Variants in ZC3H12C observed in about 807,000 individuals in gnomAD.
ZC3H12C encodes the protein probable ribonuclease ZC3H12C.
In ZC3H12C, 20 loss-of-function variants were observed where a neutral mutation model predicts 76.3. That is an observed-to-expected ratio of 0.26 (90% CI 0.18 to 0.38). ZC3H12C has a LOEUF of 0.38. Ranked by LOEUF, ZC3H12C falls within the 10% of genes least tolerant of loss-of-function variation. ZC3H12C has a pLI of 1.00. For synonymous variants in ZC3H12C, 352 were observed against 399.6 expected, an observed-to-expected ratio of 0.88 and a Z score of 1.42; for missense variants, 874 against 1,086.5, an observed-to-expected ratio of 0.80 and a Z score of 2.75.
At chr11:110,115,104 T>G (rs184758267) in intron 1 of ZC3H12C, among the ~76,000 whole-genome samples, 1 of 152,066 alleles carries the variant, frequency 6.6e-6, no homozygotes, top group Non-Finnish European at 1.5e-5. Context: ...TCTTTATTTT[T>G]ATGTATTTAT....
In ZC3H12C at chr11:110,171,067, T is replaced by A. The variant is rs1164519310; in HGVS notation, c.*5330T>A. Reference sequence around the variant, plus strand: ...GTAATGTTTCACTTCTTGAACCATGTACCAAATTTGCCAATTTTCTGTCCA... The same window carrying A: ...GTAATGTTTCACTTCTTGAACCATGAACCAAATTTGCCAATTTTCTGTCCA... On this transcript the variant is annotated 3_prime_UTR_variant, in exon 6 of 6. Coordinates refer to ENST00000278590, the MANE Select transcript of ZC3H12C (RefSeq NM_033390.2). 1 of 152,268 alleles carries A rather than the reference T, an allele frequency of 6.6e-6. No individual in the cohort carries two copies. The highest frequency in any genetic ancestry group is 6.5e-5 in the Admixed American group (1 of 15,290). The allele number at this position is 152,268 out of a possible 1,614,324, so 9.4% of individuals were successfully genotyped here.
At chr11:110,105,106 G>A (rs1013598014) in intron 1 of ZC3H12C, among the ~76,000 whole-genome samples, 16 of 151,978 alleles carry the variant, frequency 1.1e-4, no homozygotes, top group African/African-American at 3.1e-4. Context: ...TCCTTATTCC[G>A]TGATTTAATC....
chr11:110,126,569 G>T (rs1861752520), intron 1 of ZC3H12C, among the ~76,000 whole-genome samples: 1 of 152,032 alleles, frequency 6.6e-6, no homozygotes, highest in Admixed American at 6.6e-5. Context: ...AATGGCTATG[G>T]AGGTAACTAT....
chr11:110,118,826 G>A (rs1380652738), intron 1 of ZC3H12C, among the ~76,000 whole-genome samples: 1 of 151,808 alleles, frequency 6.6e-6, no homozygotes, highest in Non-Finnish European at 1.5e-5. Flanking sequence ...TAAAATAAAC[G>A]TTTAAGAAAT....
chr11:110,165,327 A>G lies in ZC3H12C; in HGVS notation c.2242A>G (p.Ile748Val). Reference sequence around the variant, plus strand: ...AGGGAGGTCCTTGGTGGCCACGAGAATAGACAGCATCTCTGACTCTCGACT... The same window carrying G: ...AGGGAGGTCCTTGGTGGCCACGAGAGTAGACAGCATCTCTGACTCTCGACT... ...HLGRSLVATRIDSISDSRLYD... is the reference protein window; with the variant it reads ...HLGRSLVATRVDSISDSRLYD... The change falls in exon 6 of 6, where the codon ATA becomes GTA. Residue 748 changes from isoleucine to valine, a missense_variant. Ile to Val is a conservative substitution (Grantham distance 29, BLOSUM62 3). Transcript: ENST00000278590. 5 of 1,614,012 alleles carry G rather than the reference A, an allele frequency of 3.1e-6. No individual in the cohort carries two copies. The highest frequency in any genetic ancestry group is 4.2e-6 in the Non-Finnish European group (5 of 1,179,886).
At chr11:110,134,668 GA>G (rs1225729152) in intron 1 of ZC3H12C, among the ~76,000 whole-genome samples, 2 of 152,140 alleles carry the variant, frequency 1.3e-5, no homozygotes, top group Admixed American at 1.3e-4. Context: ...TAATGAAGCA[GA>G]TGTATACAGA....
chr11:110,105,643 CT>C (rs1390721102), intron 1 of ZC3H12C, among the ~76,000 whole-genome samples: 3 of 151,964 alleles, frequency 2.0e-5, no homozygotes, highest in South Asian at 2.1e-4. Flanking sequence ...ATTTATAATT[CT>C]TTTTTTCATC....
At chr11:110,120,426 C>T (rs1163739426) in intron 1 of ZC3H12C, among the ~76,000 whole-genome samples, 3 of 152,106 alleles carry the variant, frequency 2.0e-5, no homozygotes, top group Non-Finnish European at 4.4e-5. Flanking sequence ...ATTTTGGCTA[C>T]GCTCAGGGCC....
intron 1 of ZC3H12C, chr11:110,124,072 C>T (rs1319667278): frequency 6.6e-6 from 1 of 152,182 alleles, no homozygotes; most frequent in East Asian, 1.9e-4. Context: ...TCAAAGTGAT[C>T]CTCAAGTGGG....
rs1862681971 is a variant in ZC3H12C, at chr11:110,171,624, T to C, written c.*5887T>C. ...AAAAATTTTTAATTCGTTTTTCTTA[T>C]GCTGGTTTGTTTTTCTTTAATGAAG... is the stretch of plus-strand genomic sequence containing the variant. On this transcript the variant is annotated 3_prime_UTR_variant, in exon 6 of 6. Coordinates refer to ENST00000278590, the MANE Select transcript of ZC3H12C (RefSeq NM_033390.2). 2 of 152,194 alleles carry C rather than the reference T, an allele frequency of 1.3e-5. No homozygotes were observed. The highest frequency in any genetic ancestry group is 1.5e-5 in the Non-Finnish European group (1 of 68,022). The allele number at this position is 152,194 out of a possible 1,614,324, so 9.4% of individuals were successfully genotyped here. A position where few individuals can be genotyped will look rare whatever the true frequency, so the allele number is the denominator to read the frequency against.
chr11:110,121,842 C>T (rs562964171), intron 1 of ZC3H12C, among the ~76,000 whole-genome samples: 4 of 152,208 alleles, frequency 2.6e-5, no homozygotes, highest in African/African-American at 9.6e-5. Flanking sequence ...GTTTGCAGCT[C>T]GTTTTGGATT....
At chr11:110,120,430 C>T (rs1861632445) in intron 1 of ZC3H12C, among the ~76,000 whole-genome samples, 1 of 152,032 alleles carries the variant, frequency 6.6e-6, no homozygotes, top group Non-Finnish European at 1.5e-5. Context: ...TGGCTACGCT[C>T]AGGGCCATTT....
intron 3 of ZC3H12C, among the ~76,000 whole-genome samples, chr11:110,158,748 G>C (rs2134196720): frequency 6.6e-6 from 1 of 152,258 alleles, no homozygotes; most frequent in African/African-American, 2.4e-5. Flanking sequence ...TGCATTTAAA[G>C]ATTTTTCTCT....
rs1359843222 is a variant in ZC3H12C at position 110,170,556 on chromosome 11, ACT to A, written c.*4822_*4823del. The A allele has an allele frequency of 5.9e-5, 9 of 152,178 alleles. No individual in the cohort carries two copies. The highest frequency in any genetic ancestry group is 1.3e-4 in the Non-Finnish European group (9 of 68,024). 9.4% of individuals were successfully genotyped at this position (152,178 alleles called of 1,614,324 possible). ...AATGTGAGTGGCATGTTACAATGTA[ACT>A]CTTTATGAGAAATAAAATGTATCTC... On this transcript the variant is annotated 3_prime_UTR_variant, in exon 6 of 6. Coordinates refer to ENST00000278590, the MANE Select transcript of ZC3H12C (RefSeq NM_033390.2).
At chr11:110,143,903 G>T (rs1470880909) in intron 2 of ZC3H12C, among the ~76,000 whole-genome samples, 2 of 152,130 alleles carry the variant, frequency 1.3e-5, no homozygotes, top group African/African-American at 4.8e-5. Flanking sequence ...CGATAGGTAG[G>T]TTAATCTAAT....
chr11:110,110,848 C>G (rs1861415129), intron 1 of ZC3H12C, among the ~76,000 whole-genome samples: 1 of 152,114 alleles, frequency 6.6e-6, no homozygotes, highest in Non-Finnish European at 1.5e-5. Flanking sequence ...GAAAGATATT[C>G]TGTACTAAAA....
intron 1 of ZC3H12C, among the ~76,000 whole-genome samples, chr11:110,094,103 A>T (rs10891053): frequency 0.71 from 107,215 of 152,040 alleles, 38,092 homozygotes; most frequent in East Asian, 0.89. Flanking sequence ...TGAATCCCGC[A>T]TTTCTTCCCT....
chr11:110,093,403 G>C lies in ZC3H12C; in HGVS notation c.-9G>C, dbSNP rs1184625071. 8.4e-7 allele frequency: 1 copy of C among 1,195,570 alleles called. No homozygotes were observed. The highest frequency in any genetic ancestry group is 1.0e-6 in the Non-Finnish European group (1 of 962,708). 74.1% of individuals were successfully genotyped at this position (1,195,570 alleles called of 1,614,324 possible). On this transcript the variant is annotated 5_prime_UTR_variant, in exon 1 of 6. Coordinates refer to ENST00000278590, the MANE Select transcript of ZC3H12C (RefSeq NM_033390.2). ...GCCGCCCGCTCGCCGCTTTCTCGCGGGGCTGGCTATGCCGGGTGGCGGCTC... is the reference window on the plus strand; with the variant it reads ...GCCGCCCGCTCGCCGCTTTCTCGCGCGGCTGGCTATGCCGGGTGGCGGCTC...
At chr11:110,101,547 A>ATT (rs71476066) in intron 1 of ZC3H12C, among the ~76,000 whole-genome samples, 3 of 135,444 alleles carry the variant, frequency 2.2e-5, no homozygotes, top group Non-Finnish European at 1.6e-5. Context: ...AATCAATGCT[A>ATT]TTTTTTTTTT....
Sources: gnomAD v4.1 joint callset for allele counts (sites outside exome capture counted in the v4.1 genomes callset) on GRCh38, gnomAD v4.1.1 for gene constraint, MANE v1.5 for transcripts, NCBI Gene and HGNC (gene_info 2026-07-23, HGNC 2026-07-21) for gene names.